ETNPPL: variants seen among roughly 807,000 people sequenced by gnomAD.
ETNPPL encodes ethanolamine-phosphate phospho-lyase.
In ETNPPL, 30 loss-of-function variants were observed where a neutral mutation model predicts 55.5. The ratio of observed to expected loss-of-function variants is 0.54; its 90% confidence interval spans 0.40 to 0.73. The LOEUF is 0.73. ETNPPL is among the 30% of genes least tolerant of loss of function. The pLI, the probability that ETNPPL is intolerant of heterozygous loss-of-function variation, is 0.00. For missense variants in ETNPPL, 528 were observed against 607.9 expected (o/e 0.87, Z 1.38); for synonymous variants, 202 against 207.2 (o/e 0.98, Z 0.21).
At chr4:108,760,072 C>T (rs1159541389) in intron 2 of ETNPPL, 116 bp downstream of exon 2, 1 of 1,035,088 alleles carries the variant, frequency 9.7e-7, no homozygotes, top group Non-Finnish European at 1.5e-6. Context: ...GGACTACTGG[C>T]CCACTCAGCA....
intron 5 of ETNPPL, among the ~76,000 whole-genome samples, chr4:108,753,803 A>AGAAAGAAAGAAAGAAAGAAAGAAT (rs1390779985): frequency 7.2e-6 from 1 of 138,698 alleles, no homozygotes. Context: ...AAAGAAAGAA[A>AGAAAGAAAGAAAGAAAGAAAGAAT]GAAAAGAGAA....
At chr4:108,749,682 G>A (rs183928899) in intron 7 of ETNPPL, among the ~76,000 whole-genome samples, 1 of 152,136 alleles carries the variant, frequency 6.6e-6, no homozygotes, top group Admixed American at 6.5e-5. Context: ...TACCAGTTGG[G>A]TTTGTGCTAC....
chr4:108,758,149 G>C (rs992519722), intron 3 of ETNPPL, among the ~76,000 whole-genome samples: 4 of 151,298 alleles, frequency 2.6e-5, no homozygotes, highest in Non-Finnish European at 5.9e-5. Context: ...ACACCACCAC[G>C]TGCAGCTAAT....
rs867270656 is a variant in ETNPPL at position 108,748,039 on chromosome 4, G to GT, written c.1047dup (p.Gln350ThrfsTer4). The stretch of plus-strand genomic sequence containing the variant: ...CCTATCAAAGTGTGTTTAGCCTTCT[G>GT]TTTTTTCAGTAACTCAGTGAGATAA... On this transcript the variant is annotated frameshift_variant, in exon 9 of 13. Coordinates refer to ENST00000296486, the MANE Select transcript of ETNPPL (RefSeq NM_031279.4). LOFTEE classifies it high-confidence loss of function. 2.5e-6 allele frequency: 4 copies of GT among 1,610,466 alleles called. No individual in the cohort carries two copies. Among genetic ancestry groups the GT allele is most frequent in the Non-Finnish European group, 2.5e-6 (3 of 1,178,746 alleles).
rs989974547 is a variant in ETNPPL at position 108,749,241 on chromosome 4, A to G, written c.924T>C (p.Asn308=). Residue 308 remains asparagine, a synonymous_variant, in exon 8 of 13, where the codon AAT becomes AAC. Transcript: ENST00000296486. The part of the protein sequence containing the change: ...AFSSSGMEYF[N]TYGGNPVSCA... ...AAAGTTGGAGACCAAAATGTACCGT[A>G]TTAAAATATTCCATCCCAGAGCTGC... The G allele has an allele frequency of 6.2e-7, 1 of 1,608,596 alleles. No homozygotes were observed. Among genetic ancestry groups the G allele is most frequent in the Non-Finnish European group, 8.5e-7 (1 of 1,175,276 alleles).
intron 4 of ETNPPL, among the ~76,000 whole-genome samples, chr4:108,755,115 A>AC (rs1329320801): frequency 6.6e-6 from 1 of 152,236 alleles, no homozygotes; most frequent in African/African-American, 2.4e-5. Context: ...AAATTTAAAA[A>AC]CAACTTTATA....
intron 5 of ETNPPL, among the ~76,000 whole-genome samples, chr4:108,753,804 G>GAAAGAAAGAAAGAAAGA (rs1729055180): frequency 8.3e-6 from 1 of 120,088 alleles, no homozygotes; most frequent in Non-Finnish European, 1.7e-5. Flanking sequence ...AAGAAAGAAA[G>GAAAGAAAGAAAGAAAGA]AAAAGAGAAG....
At chr4:108,746,596 GA>G in intron 10 of ETNPPL, 67 bp from the exon 11 acceptor site, 2 of 1,552,094 alleles carry the variant, frequency 1.3e-6, no homozygotes, top group Non-Finnish European at 1.8e-6. Flanking sequence ...AGAATTATGT[GA>G]ACATAGAGCA....
At position 108,743,963 on chromosome 4, in the gene ETNPPL, T is replaced by G; in HGVS notation, c.1304-107A>C. 4.0e-6 allele frequency: 3 copies of G among 750,256 alleles called. No homozygotes were observed. In the South Asian group the frequency reaches 4.8e-5, roughly 12 times the overall value. The allele number at this position is 750,256 out of a possible 1,614,324, so 46.5% of individuals were successfully genotyped here. A position where few individuals can be genotyped will look rare whatever the true frequency, so the allele number is the denominator to read the frequency against. On this transcript the variant is annotated intron_variant, in intron 11 of 12. Coordinates refer to ENST00000296486, the MANE Select transcript of ETNPPL (RefSeq NM_031279.4). Reference sequence around the variant, plus strand: ...CTTTAATGAAGAATGGAAGGAAATGTTATGTGTTAAAAGAATGGGCTGGGC... The same window carrying G: ...CTTTAATGAAGAATGGAAGGAAATGGTATGTGTTAAAAGAATGGGCTGGGC...
At chr4:108,746,169 A>G (rs1728482958) in intron 11 of ETNPPL, among the ~76,000 whole-genome samples, 1 of 152,200 alleles carries the variant, frequency 6.6e-6, no homozygotes, top group Non-Finnish European at 1.5e-5. Context: ...GCAAAAACTT[A>G]TATTTGGAGT....
intron 3 of ETNPPL, among the ~76,000 whole-genome samples, chr4:108,758,078 C>G (rs558113723): frequency 7.0e-6 from 1 of 143,576 alleles, no homozygotes; most frequent in Non-Finnish European, 1.5e-5. Flanking sequence ...GATCTTGGCT[C>G]ACTGCAACCT....
chr4:108,759,753 A>G lies in ETNPPL; in HGVS notation c.331T>C (p.Ser111Pro). ...EKLSVCYFTN[S>P]GSEANDLALR... ...GTGGGAAACCATGAAGCATACCCTG[A>G]ATTTGTAAAATAACAAACAGAGAGT... The change falls in exon 3 of 13, where the codon TCA (serine) becomes CCA (proline). Residue 111 changes from serine (S) to proline (P), a missense_variant. Coordinates refer to ENST00000296486, the MANE Select transcript of ETNPPL (RefSeq NM_031279.4). The G allele has an allele frequency of 6.2e-7, 1 of 1,614,068 alleles. No individual in the cohort carries two copies. The highest frequency in any genetic ancestry group is 8.5e-7 in the Non-Finnish European group (1 of 1,179,978).
intron 11 of ETNPPL, 81 bp downstream of exon 11, chr4:108,746,318 G>A (rs2125670972): frequency 3.8e-6 from 5 of 1,307,804 alleles, no homozygotes; most frequent in Non-Finnish European, 5.2e-6. Flanking sequence ...AGATGCATAT[G>A]CTCATTATGA....
In ETNPPL at chr4:108,748,297, T is replaced by C. The variant is rs1025660207; in HGVS notation, c.928-138A>G. 8.4e-6 allele frequency: 5 copies of C among 592,238 alleles called. No individual in the cohort carries two copies. In the African/African-American group the frequency reaches 9.6e-5, roughly 11 times the overall value. 36.7% of individuals were successfully genotyped at this position (592,238 alleles called of 1,614,324 possible). A position where few individuals can be genotyped will look rare whatever the true frequency, so the allele number is the denominator to read the frequency against. ...AATGTTCTCTTATAATATTAGTTTC[T>C]CATATTTAGAATAGAGCATGATTCT... On this transcript the variant is annotated intron_variant, in intron 8 of 12. Coordinates refer to ENST00000296486, the MANE Select transcript of ETNPPL (RefSeq NM_031279.4).
At chr4:108,753,263 G>A (rs1728999368) in intron 5 of ETNPPL, among the ~76,000 whole-genome samples, 1 of 151,988 alleles carries the variant, frequency 6.6e-6, no homozygotes, top group African/African-American at 2.4e-5. Flanking sequence ...CACATAAATA[G>A]AACATTCAAA....
intron 3 of ETNPPL, among the ~76,000 whole-genome samples, chr4:108,758,338 TCC>T (rs1729327558): frequency 6.6e-6 from 1 of 152,158 alleles, no homozygotes; most frequent in Admixed American, 6.5e-5. Flanking sequence ...TATAAAGCTT[TCC>T]CCAATATAAT....
rs1377210 is a variant in ETNPPL at position 108,752,960 on chromosome 4, A to G, written c.553T>C (p.Ser185Pro). The stretch of plus-strand genomic sequence containing the variant: ...ACTTCATCTGCATAAGCACTGGCTG[A>G]GTCTGCATGGTCTTCTCTATATTTT... ...RGKYREDHADSASAYADEVKK... is the reference protein window; with the variant it reads ...RGKYREDHADPASAYADEVKK... Residue 185 changes from serine (S) to proline (P), a missense_variant, in exon 6 of 13, where the codon TCA becomes CCA. Coordinates refer to ENST00000296486, the MANE Select transcript of ETNPPL (RefSeq NM_031279.4). 0.12 allele frequency: 189,014 copies of G among 1,610,358 alleles called. 17,257 individuals carry two copies. The highest frequency in any genetic ancestry group is 0.5 in the East Asian group (22,432 of 44,664).
At chr4:108,746,596 G>T in intron 10 of ETNPPL, 67 bp from the exon 11 acceptor site, 1 of 1,552,090 alleles carries the variant, frequency 6.4e-7, no homozygotes, top group South Asian at 1.2e-5. Flanking sequence ...AGAATTATGT[G>T]AACATAGAGC....
At chr4:108,756,695 G>C (rs550938634) in intron 3 of ETNPPL, among the ~76,000 whole-genome samples, 1 of 149,074 alleles carries the variant, frequency 6.7e-6, no homozygotes. Flanking sequence ...GCGCAGCAGC[G>C]TGCGCCTATA....
Sources: allele counts gnomAD v4.1 joint callset (sites outside exome capture counted in the v4.1 genomes callset), GRCh38; gene constraint gnomAD v4.1.1; transcripts MANE v1.5; gene names NCBI Gene and HGNC (gene_info 2026-07-23, HGNC 2026-07-21).